RHAG: variants seen among roughly 807,000 people sequenced by gnomAD.
The protein encoded by RHAG is ammonium transporter Rh type A.
A neutral mutation model predicts 42.4 loss-of-function variants in RHAG; 25 were observed. That is an observed-to-expected ratio of 0.59 (90% CI 0.43 to 0.82). RHAG has a LOEUF of 0.82. Ranked by LOEUF, RHAG falls within the 40% of genes least tolerant of loss-of-function variation. The pLI, the probability that RHAG is intolerant of heterozygous loss-of-function variation, is 0.00. For synonymous variants in RHAG, 182 were observed against 177.7 expected (o/e 1.02, Z -0.19); for missense variants, 483 against 504.6 (o/e 0.96, Z 0.41).
rs778261368 is a variant in RHAG, at chr6:49,611,017, T to C, written c.1067+7A>G. 6.2e-7 allele frequency: 1 copy of C among 1,613,804 alleles called. No individual in the cohort carries two copies. Among genetic ancestry groups the C allele is most frequent in the African/African-American group, 1.3e-5 (1 of 75,036 alleles). ...ACAGGGGCTGAAAAACCCATTCTTT[T>C]ACTCACGTGTTGGAGGCGCCCATTG... On this transcript the variant is annotated splice_region_variant and intron_variant, in intron 7 of 9. Coordinates refer to ENST00000371175, the MANE Select transcript of RHAG (RefSeq NM_000324.3).
rs7773214 is a variant in RHAG at position 49,614,633 on chromosome 6, G to A, written c.807+54C>T. The A allele has an allele frequency of 2.4e-4, 365 of 1,496,342 alleles. 2 individuals carry two copies. The African/African-American group carries it at 4.3e-3, about 18-fold the overall frequency. 92.7% of individuals were successfully genotyped at this position (1,496,342 alleles called of 1,614,324 possible). A position where few individuals can be genotyped will look rare whatever the true frequency, so the allele number is the denominator to read the frequency against. ...CAGAAATTACCTACTACTTATCTGAGCAACTGTCAGTGTTGTGAAGCAAAA... is the reference window on the plus strand; with the variant it reads ...CAGAAATTACCTACTACTTATCTGAACAACTGTCAGTGTTGTGAAGCAAAA... On this transcript the variant is annotated intron_variant, in intron 5 of 9. Transcript: ENST00000371175.
chr6:49,610,916 C>T lies in RHAG; in HGVS notation c.1067+108G>A. 6 of 1,378,468 alleles carry T rather than the reference C, an allele frequency of 4.4e-6. No individual in the cohort carries two copies. In the East Asian group the frequency reaches 1.2e-4, roughly 26 times the overall value. 85.4% of individuals were successfully genotyped at this position (1,378,468 alleles called of 1,614,324 possible). ...CGCGTCTCTTTGGCTCCAGTAAAGA[C>T]AATACAAACCATGGCCAGAACAGCT... On this transcript the variant is annotated intron_variant, in intron 7 of 9. Coordinates refer to ENST00000371175, the MANE Select transcript of RHAG (RefSeq NM_000324.3).
chr6:49,613,324 C>T (rs1015328269), intron 5 of RHAG, among the ~76,000 whole-genome samples: 1 of 152,194 alleles, frequency 6.6e-6, no homozygotes, highest in African/African-American at 2.4e-5. Context: ...CCCACCTTGG[C>T]CTCCCAAAGC....
intron 9 of RHAG, among the ~76,000 whole-genome samples, chr6:49,606,398 T>C (rs947323359): frequency 2.0e-5 from 3 of 152,116 alleles, no homozygotes; most frequent in African/African-American, 7.2e-5. Flanking sequence ...TGAAACAACA[T>C]TTACTAACTA....
intron 1 of RHAG, among the ~76,000 whole-genome samples, chr6:49,627,016 G>T (rs1247294055): frequency 1.3e-5 from 2 of 152,346 alleles, no homozygotes; most frequent in African/African-American, 2.4e-5. Flanking sequence ...CCTGGCCCAT[G>T]AAGCCATTTT....
chr6:49,622,211 T>C (rs1443278248), intron 1 of RHAG, among the ~76,000 whole-genome samples: 1 of 137,694 alleles, frequency 7.3e-6, no homozygotes, highest in East Asian at 2.3e-4. Context: ...TCACAAGATC[T>C]GATGGTTTTT....
At chr6:49,619,421 T>A (rs1220996323) in intron 1 of RHAG, 59 bp from the exon 2 acceptor site, 79 of 1,449,764 alleles carry the variant, frequency 5.4e-5, no homozygotes, top group Non-Finnish European at 6.9e-5. Context: ...AAGTACTGCA[T>A]CATAGTATAC....
At position 49,615,761 on chromosome 6, in the gene RHAG, A is replaced by G. The variant is rs775293623; in HGVS notation, c.503T>C (p.Ile168Thr). The G allele has an allele frequency of 4.3e-6, 7 of 1,614,130 alleles. No homozygotes were observed. The South Asian group carries it at 5.5e-5, about 13-fold the overall frequency. The change falls in exon 4 of 10, where the codon ATT becomes ACT. Residue 168 changes from isoleucine (I) to threonine (T), a missense_variant. Physicochemically the swap from Ile to Thr is moderately conservative, Grantham distance 89. Transcript: ENST00000371175. ...GGCATGGATCGTCATTGATGCTCCA[A>G]TGTCAGAGGCCTGAGGGACAAAATA... ...LVSEIFKASD[I>T]GASMTIHAFG...
At position 49,606,866 on chromosome 6, in the gene RHAG, A is replaced by T; in HGVS notation, c.1194T>A (p.Asp398Glu). The T allele has an allele frequency of 6.2e-7, 1 of 1,608,700 alleles. No homozygotes were observed. The highest frequency in any genetic ancestry group is 1.1e-5 in the South Asian group (1 of 90,948). The change falls in exon 9 of 10, where the codon GAT (aspartate) becomes GAA (glutamate). Residue 398 changes from aspartate to glutamate, a missense_variant. Coordinates refer to ENST00000371175, the MANE Select transcript of RHAG (RefSeq NM_000324.3). ...WGQPSDQNCY[D>E]DSVYWKVPKT... Reference sequence around the variant, plus strand: ...ACAGTACCTTCCAATAAACAGAATCATCATAGCAGTTCTGGTCAGATGGCT... The same window carrying T: ...ACAGTACCTTCCAATAAACAGAATCTTCATAGCAGTTCTGGTCAGATGGCT...
At chr6:49,618,901 C>T (rs1450509590) in intron 2 of RHAG, among the ~76,000 whole-genome samples, 1 of 152,028 alleles carries the variant, frequency 6.6e-6, no homozygotes, top group Non-Finnish European at 1.5e-5. Flanking sequence ...GCTGGGAAGC[C>T]CAAGATCAAG....
At chr6:49,615,793 A>T (rs750451553) in intron 3 of RHAG, 22 bp from the exon 4 acceptor site, 1 of 1,613,168 alleles carries the variant, frequency 6.2e-7, no homozygotes, top group South Asian at 1.1e-5. Context: ...AATAGCATTC[A>T]CATAAATAGA....
At chr6:49,627,326 G>C (rs1234534163) in intron 1 of RHAG, among the ~76,000 whole-genome samples, 2 of 152,124 alleles carry the variant, frequency 1.3e-5, no homozygotes, top group East Asian at 3.9e-4. Context: ...AAGTTCTGCA[G>C]ATCTTCAGGG....
At chr6:49,627,714 G>C (rs1762863511) in intron 1 of RHAG, among the ~76,000 whole-genome samples, 1 of 152,166 alleles carries the variant, frequency 6.6e-6, no homozygotes, top group Admixed American at 6.5e-5. Context: ...CACAATCGTG[G>C]TGGAAGGCGA....
chr6:49,629,170 G>A (rs1762893543), intron 1 of RHAG, among the ~76,000 whole-genome samples: 1 of 152,138 alleles, frequency 6.6e-6, no homozygotes, highest in Non-Finnish European at 1.5e-5. Context: ...GTGGATGGCT[G>A]CACTCACAAA....
At chr6:49,608,468 C>T (rs988810634) in intron 7 of RHAG, among the ~76,000 whole-genome samples, 2 of 143,230 alleles carry the variant, frequency 1.4e-5, no homozygotes, top group African/African-American at 4.9e-5. Flanking sequence ...CTGTCTCCTC[C>T]CCGCGTTCAA....
intron 1 of RHAG, among the ~76,000 whole-genome samples, chr6:49,623,436 G>A (rs1340213075): frequency 1.3e-5 from 2 of 152,190 alleles, no homozygotes; most frequent in Admixed American, 1.3e-4. Context: ...ATAGTTGTGT[G>A]GTGCAAGGCT....
intron 5 of RHAG, among the ~76,000 whole-genome samples, chr6:49,613,989 G>A (rs1483535130): frequency 6.6e-6 from 1 of 152,106 alleles, no homozygotes; most frequent in African/African-American, 2.4e-5. Flanking sequence ...TAGAATCAGT[G>A]TGCATCATCC....
chr6:49,613,104 C>G (rs1428134327), intron 5 of RHAG, among the ~76,000 whole-genome samples: 3 of 147,734 alleles, frequency 2.0e-5, no homozygotes, highest in African/African-American at 7.5e-5. Flanking sequence ...GAGTCTTGCT[C>G]TGTCTCCCAG....
At chr6:49,607,768 C>T (rs1762498682) in intron 7 of RHAG, among the ~76,000 whole-genome samples, 1 of 152,126 alleles carries the variant, frequency 6.6e-6, no homozygotes, top group Non-Finnish European at 1.5e-5. Context: ...CATTGAAGTG[C>T]ATAAAGGTGT....
Sources: allele counts gnomAD v4.1 joint callset (sites outside exome capture counted in the v4.1 genomes callset), GRCh38; gene constraint gnomAD v4.1.1; transcripts MANE v1.5; gene names NCBI Gene and HGNC (gene_info 2026-07-23, HGNC 2026-07-21).